Variants in ARHGAP24 observed in about 807,000 individuals in gnomAD.
ARHGAP24 encodes rho GTPase-activating protein 24.
A neutral mutation model predicts 76.4 loss-of-function variants in ARHGAP24; 50 were observed. The observed-to-expected ratio is 0.65, with a 90% CI of 0.52 to 0.83. The LOEUF (loss-of-function observed/expected upper bound fraction) is 0.83, where lower values mean the gene tolerates loss of function less well. ARHGAP24 is among the 40% of genes least tolerant of loss of function. The probability of loss-of-function intolerance (pLI) is 0.00; values close to 1 mark genes in which losing one functional copy is unlikely to be tolerated. For synonymous variants in ARHGAP24, 345 were observed against 323.3 expected (o/e 1.07, Z -0.72); for missense variants, 930 against 914.2 (o/e 1.02, Z -0.22).
chr4:85,898,108 G>A (rs1351721179), intron 3 of ARHGAP24, among the ~76,000 whole-genome samples: 2 of 148,938 alleles, frequency 1.3e-5, no homozygotes, highest in South Asian at 2.1e-4. Flanking sequence ...GGAGACTTTG[G>A]AAGGTCACTA....
intron 3 of ARHGAP24, among the ~76,000 whole-genome samples, chr4:85,854,090 A>G (rs345331): frequency 0.36 from 52,553 of 145,792 alleles, 10,243 homozygotes; most frequent in Non-Finnish European, 0.45. Context: ...AGCCAAGACC[A>G]CACCATTGCC....
chr4:85,818,242 C>T (rs906728108), intron 3 of ARHGAP24, among the ~76,000 whole-genome samples: 1 of 152,096 alleles, frequency 6.6e-6, no homozygotes, highest in Non-Finnish European at 1.5e-5. Context: ...CCACAAAGAC[C>T]GGTTTATAGA....
At chr4:85,875,627 T>A (rs1221932895) in intron 3 of ARHGAP24, among the ~76,000 whole-genome samples, 1 of 124,430 alleles carries the variant, frequency 8.0e-6, no homozygotes, top group Admixed American at 1.0e-4. Flanking sequence ...GTAATGTATA[T>A]ATAATATAAA....
chr4:85,901,817 G>GT (rs569746275), intron 3 of ARHGAP24, among the ~76,000 whole-genome samples: 248 of 147,622 alleles, frequency 1.7e-3, no homozygotes, highest in Non-Finnish European at 2.9e-3. Context: ...ATTTTTTTTT[G>GT]TTTTTTTTTA....
chr4:85,643,466 G>A (rs1481213008), intron 2 of ARHGAP24, among the ~76,000 whole-genome samples: 1 of 126,764 alleles, frequency 7.9e-6, no homozygotes, highest in Non-Finnish European at 1.7e-5. Context: ...CACCTTGTTA[G>A]CCAGGATGGT....
intron 2 of ARHGAP24, among the ~76,000 whole-genome samples, chr4:85,683,107 T>TGGGGGGGGGGG (rs1310671945): frequency 1.6e-3 from 21 of 12,828 alleles, no homozygotes; most frequent in South Asian, 4.6e-3. Flanking sequence ...TCTCTCAGTG[T>TGGGGGGGGGGG]GTGGGGGGGT....
At chr4:85,809,488 A>G (rs910579206) in intron 3 of ARHGAP24, among the ~76,000 whole-genome samples, 1 of 152,228 alleles carries the variant, frequency 6.6e-6, no homozygotes, top group Non-Finnish European at 1.5e-5. Context: ...AGGCATAGAC[A>G]CTTCCAAAAT....
chr4:85,895,012 A>AGC (rs1398846682), intron 3 of ARHGAP24, among the ~76,000 whole-genome samples: 77 of 33,438 alleles, frequency 2.3e-3, no homozygotes, highest in Middle Eastern at 0.017. Flanking sequence ...AAAAAAAAAA[A>AGC]AAAAAAAAAG....
At chr4:85,630,985 A>G (rs934605627) in intron 2 of ARHGAP24, among the ~76,000 whole-genome samples, 4 of 152,026 alleles carry the variant, frequency 2.6e-5, no homozygotes, top group African/African-American at 9.7e-5. Flanking sequence ...CCATACACAC[A>G]CGTATATATA....
intron 2 of ARHGAP24, among the ~76,000 whole-genome samples, chr4:85,627,483 A>C (rs778076565): frequency 5.9e-5 from 9 of 152,044 alleles, no homozygotes; most frequent in Non-Finnish European, 1.3e-4. Flanking sequence ...GTCTGCACCT[A>C]CTGGTTGGTG....
intron 3 of ARHGAP24, among the ~76,000 whole-genome samples, chr4:85,874,438 T>A (rs1732709339): frequency 1.3e-5 from 2 of 152,282 alleles, no homozygotes; most frequent in South Asian, 4.1e-4. Context: ...TGAGCAGTTC[T>A]TAAAATTCCT....
intron 2 of ARHGAP24, among the ~76,000 whole-genome samples, chr4:85,674,428 C>T (rs954162357): frequency 6.6e-6 from 1 of 152,042 alleles, no homozygotes; most frequent in Non-Finnish European, 1.5e-5. Flanking sequence ...TATTATTTAC[C>T]CCAGAATAAT....
intron 3 of ARHGAP24, among the ~76,000 whole-genome samples, chr4:85,731,623 G>A (rs934944316): frequency 3.9e-5 from 6 of 152,116 alleles, no homozygotes; most frequent in Non-Finnish European, 7.3e-5. Context: ...GACTCTACAC[G>A]ATTTTAAAAG....
chr4:85,683,912 A>G (rs867561063), intron 2 of ARHGAP24, among the ~76,000 whole-genome samples: 1 of 152,214 alleles, frequency 6.6e-6, no homozygotes, highest in South Asian at 2.1e-4. Flanking sequence ...GTTGCATCAT[A>G]TAGTAGTATA....
At position 85,814,496 on chromosome 4, in the gene ARHGAP24, C is replaced by A. The variant is rs146710745; in HGVS notation, c.268+92524C>A. On this transcript the variant is annotated intron_variant, in intron 3 of 9. Transcript: ENST00000395184. ...GCCAAAACAAAGGGACTACAGAGTA[C>A]CCCATGCAAGTCCAAAATCCAGCAG... Among the ~76,000 whole-genome samples the A allele has an allele frequency of 7.3e-3, 1,119 of 152,318 alleles. 6 individuals carry two copies. The highest frequency in any genetic ancestry group is 0.01 in the Middle Eastern group (3 of 294).
chr4:85,977,728 A>G, intron 8 of ARHGAP24, 37 bp downstream of exon 8: 2 of 1,608,018 alleles, frequency 1.2e-6, no homozygotes, highest in Middle Eastern at 1.7e-4. Context: ...TATCAAAAGA[A>G]GAAGTAATTA....
chr4:85,995,633 TAG>T lies in ARHGAP24; in HGVS notation c.1982_1983del (p.Glu661ValfsTer2), dbSNP rs754880170. The T allele has an allele frequency of 6.2e-7, 1 of 1,613,766 alleles. No individual in the cohort carries two copies. The highest frequency in any genetic ancestry group is 1.1e-5 in the South Asian group (1 of 91,060). On this transcript the variant is annotated frameshift_variant, in exon 9 of 10. Transcript: ENST00000395184. LOFTEE classifies it high-confidence loss of function. ...AAACAGGAAATGACCAAACAGAAGATAGAGTATGAGTCCAGGATAAAGAGGTA... is the reference window on the plus strand; with the variant it reads ...AAACAGGAAATGACCAAACAGAAGATAGTATGAGTCCAGGATAAAGAGGTA...
At chr4:85,684,340 A>G (rs569445534) in intron 2 of ARHGAP24, among the ~76,000 whole-genome samples, 2 of 152,126 alleles carry the variant, frequency 1.3e-5, no homozygotes, top group South Asian at 2.1e-4. Flanking sequence ...TGTGGTTTTG[A>G]TTTCTATTTC....
chr4:85,674,631 C>T (rs1722912827), intron 2 of ARHGAP24, among the ~76,000 whole-genome samples: 1 of 152,150 alleles, frequency 6.6e-6, no homozygotes, highest in African/African-American at 2.4e-5. Flanking sequence ...CATTTTAACT[C>T]CAAGTCCTAT....
Sources: gnomAD v4.1 joint callset for allele counts (sites outside exome capture counted in the v4.1 genomes callset) on GRCh38, gnomAD v4.1.1 for gene constraint, MANE v1.5 for transcripts, NCBI Gene and HGNC (gene_info 2026-07-23, HGNC 2026-07-21) for gene names.